Variants in TRPC6 observed in about 807,000 individuals in gnomAD.
TRPC6 encodes transient receptor potential cation channel subfamily C member 6, also known as short transient receptor potential channel 6.
In TRPC6, 55 loss-of-function variants were observed where a neutral mutation model predicts 90.7. The observed-to-expected ratio is 0.61, with a 90% CI of 0.49 to 0.76. The LOEUF is 0.76. Ranked by LOEUF, TRPC6 falls within the 30% of genes least tolerant of loss-of-function variation. TRPC6 has a pLI of 0.00. For synonymous variants in TRPC6, 393 were observed against 393.0 expected (o/e 1.00, Z 0.00); for missense variants, 989 against 1,122.7 (o/e 0.88, Z 1.70).
Position 101,522,418 on chromosome 11 carries a change from AGCCT to A in TRPC6, c.171-17624_171-17621del, listed in dbSNP as rs1860683599. Among the ~76,000 whole-genome samples, 4 of 152,286 alleles carry A rather than the reference AGCCT, an allele frequency of 2.6e-5. No homozygotes were observed. The South Asian group carries it at 8.3e-4, about 32-fold the overall frequency. On this transcript the variant is annotated intron_variant, in intron 1 of 12. Transcript: ENST00000344327. ...GCCTCCCCAGCCATGCCTCCTGTAC[AGCCT>A]GCAGAACTGTGAGTCAATTAAACCT... is the stretch of plus-strand genomic sequence containing the variant.
At chr11:101,542,887 G>T (rs192404690) in intron 1 of TRPC6, among the ~76,000 whole-genome samples, 7 of 151,872 alleles carry the variant, frequency 4.6e-5, no homozygotes, top group Admixed American at 1.3e-4. Flanking sequence ...ATTAGCAAAG[G>T]TTTCATAGAT....
intron 1 of TRPC6, among the ~76,000 whole-genome samples, chr11:101,509,423 A>G (rs1860348857): frequency 6.6e-6 from 1 of 152,112 alleles, no homozygotes; most frequent in Non-Finnish European, 1.5e-5. Context: ...AAAGAAAGAA[A>G]AATAAGAATT....
chr11:101,470,579 CAT>C (rs1859263874), intron 9 of TRPC6, among the ~76,000 whole-genome samples: 1 of 152,176 alleles, frequency 6.6e-6, no homozygotes, highest in South Asian at 2.1e-4. Flanking sequence ...GTTCTCTAAA[CAT>C]ATCTGAACAT....
At chr11:101,557,261 A>G (rs1174529307) in intron 1 of TRPC6, among the ~76,000 whole-genome samples, 1 of 152,190 alleles carries the variant, frequency 6.6e-6, no homozygotes, top group East Asian at 1.9e-4. Context: ...TGGCTAAGAA[A>G]TGAGAATTGC....
chr11:101,575,013 G>A (rs1042077547), intron 1 of TRPC6, among the ~76,000 whole-genome samples: 5 of 152,062 alleles, frequency 3.3e-5, no homozygotes, highest in Non-Finnish European at 7.4e-5. Context: ...GCTTTGAATA[G>A]GCAGTCAATC....
chr11:101,526,715 T>G (rs2136788154), intron 1 of TRPC6, among the ~76,000 whole-genome samples: 1 of 151,552 alleles, frequency 6.6e-6, no homozygotes, highest in Middle Eastern at 3.4e-3. Flanking sequence ...ACACAAAAAA[T>G]TAGCTGGGCG....
chr11:101,482,222 C>T (rs1032280769), intron 5 of TRPC6, among the ~76,000 whole-genome samples: 7 of 152,352 alleles, frequency 4.6e-5, no homozygotes, highest in Admixed American at 4.6e-4. Flanking sequence ...CTGTCTCATT[C>T]ACTTTAGTAT....
intron 1 of TRPC6, among the ~76,000 whole-genome samples, chr11:101,510,716 C>T (rs1366852805): frequency 6.6e-6 from 1 of 151,998 alleles, no homozygotes; most frequent in African/African-American, 2.4e-5. Flanking sequence ...GTATTTGTTG[C>T]CCCAGATAGT....
chr11:101,470,965 T>C (rs1383644612), intron 9 of TRPC6, among the ~76,000 whole-genome samples: 1 of 152,086 alleles, frequency 6.6e-6, no homozygotes, highest in Non-Finnish European at 1.5e-5. Context: ...ATTTTAGTTA[T>C]ATTTCATGAA....
At chr11:101,526,319 T>G (rs1472191633) in intron 1 of TRPC6, among the ~76,000 whole-genome samples, 1 of 152,210 alleles carries the variant, frequency 6.6e-6, no homozygotes, top group Non-Finnish European at 1.5e-5. Flanking sequence ...TGGTATTACA[T>G]GCTGAACATT....
At chr11:101,465,766 C>A (rs1000139883) in intron 10 of TRPC6, among the ~76,000 whole-genome samples, 1 of 152,076 alleles carries the variant, frequency 6.6e-6, no homozygotes, top group Non-Finnish European at 1.5e-5. Flanking sequence ...TTTGTTATTA[C>A]CCACCTTCTG....
At chr11:101,541,505 G>A (rs1308923249) in intron 1 of TRPC6, among the ~76,000 whole-genome samples, 1 of 146,022 alleles carries the variant, frequency 6.8e-6, no homozygotes, top group Non-Finnish European at 1.5e-5. Context: ...GGGATTACAG[G>A]CACCTGCCAC....
rs530869044 is a variant in TRPC6, at chr11:101,574,115, TG to T, written c.170+9218del. On this transcript the variant is annotated intron_variant, in intron 1 of 12. Transcript: ENST00000344327. ...AGCACCAAAAGCTTTTGGTCTATTA[TG>T]GATTCTTTAGATTGTTTTAAAGAAA... Among the ~76,000 whole-genome samples, 624 of 151,244 alleles carry T rather than the reference TG, an allele frequency of 4.1e-3. 29 individuals carry two copies. The highest frequency in any genetic ancestry group is 0.015 in the African/African-American group (595 of 40,720).
intron 1 of TRPC6, among the ~76,000 whole-genome samples, chr11:101,572,705 G>A (rs1027430921): frequency 6.6e-6 from 1 of 152,160 alleles, no homozygotes; most frequent in African/African-American, 2.4e-5. Context: ...CATGTCCTTT[G>A]TAGGGACATG....
chr11:101,498,824 C>T (rs868156798), intron 2 of TRPC6, among the ~76,000 whole-genome samples: 37 of 152,240 alleles, frequency 2.4e-4, no homozygotes, highest in African/African-American at 8.2e-4. Context: ...ATCTTTTGCT[C>T]GCCCACCCAC....
intron 1 of TRPC6, among the ~76,000 whole-genome samples, chr11:101,538,057 T>G (rs1861092400): frequency 6.6e-6 from 1 of 152,192 alleles, no homozygotes; most frequent in South Asian, 2.1e-4. Context: ...TGTTGATTCT[T>G]CTTTGCCTGT....
In TRPC6 at chr11:101,546,294, G is replaced by A. The variant is rs181698243; in HGVS notation, c.170+37040C>T. Among the ~76,000 whole-genome samples the A allele has an allele frequency of 7.8e-3, 545 of 69,964 alleles. 121 individuals carry two copies. Among genetic ancestry groups the A allele is most frequent in the African/African-American group, 0.03 (507 of 16,916 alleles). The allele number at this position is 69,964 out of a possible 152,430, so 45.9% of individuals were successfully genotyped here. ...TCACCTTGTTAGCCAGGATGGTCTC[G>A]ATCTCCTGACCTCATGATCCACCCG... On this transcript the variant is annotated intron_variant, in intron 1 of 12. Coordinates refer to ENST00000344327, the MANE Select transcript of TRPC6 (RefSeq NM_004621.6).
intron 1 of TRPC6, among the ~76,000 whole-genome samples, chr11:101,577,092 A>T (rs1337269645): frequency 6.6e-6 from 1 of 152,142 alleles, no homozygotes; most frequent in Admixed American, 6.6e-5. Context: ...AAGGGGAGCC[A>T]GATTTGAAGG....
chr11:101,487,322 G>C (rs1443350808), intron 4 of TRPC6, among the ~76,000 whole-genome samples: 2 of 152,082 alleles, frequency 1.3e-5, no homozygotes, highest in East Asian at 3.9e-4. Flanking sequence ...AGGAGAAGAA[G>C]AACAAAGAGA....
Sources: gnomAD v4.1 joint callset for allele counts (sites outside exome capture counted in the v4.1 genomes callset) on GRCh38, gnomAD v4.1.1 for gene constraint, MANE v1.5 for transcripts, NCBI Gene and HGNC (gene_info 2026-07-23, HGNC 2026-07-21) for gene names.